CADPS: variants seen among roughly 807,000 people sequenced by gnomAD.
CADPS encodes calcium-dependent secretion activator 1.
In CADPS, 57 loss-of-function variants were observed where a neutral mutation model predicts 167.3. The observed-to-expected ratio is 0.34, with a 90% CI of 0.28 to 0.42. CADPS has a LOEUF of 0.42. Among genes scored for constraint, CADPS ranks in the 20% least tolerant of loss-of-function variants. The pLI, the probability that CADPS is intolerant of heterozygous loss-of-function variation, is 1.00. For synonymous variants in CADPS, 676 were observed against 635.3 expected (o/e 1.06, Z -0.96); for missense variants, 1,414 against 1,738.1 (o/e 0.81, Z 3.32).
intron 1 of CADPS, among the ~76,000 whole-genome samples, chr3:62,819,407 CGTGTGTGTGTGTGTGTGTGT>C (rs3047244): frequency 8.3e-5 from 12 of 143,986 alleles, no homozygotes; most frequent in Non-Finnish European, 1.4e-4. Flanking sequence ...AATCTGTGTG[CGTGTGTGTGTGTGTGTGTGT>C]GTGTGTGTGT....
At chr3:62,708,251 G>GA (rs113632075) in intron 3 of CADPS, among the ~76,000 whole-genome samples, 52 of 150,282 alleles carry the variant, frequency 3.5e-4, no homozygotes, top group South Asian at 2.3e-3. Context: ...AAAGTGGAGA[G>GA]AAAAAAAAGC....
intron 28 of CADPS, among the ~76,000 whole-genome samples, chr3:62,434,113 A>T (rs2054512505): frequency 6.6e-6 from 1 of 152,250 alleles, no homozygotes; most frequent in Non-Finnish European, 1.5e-5. Flanking sequence ...TCTTTTAAAA[A>T]TTCAGCATCT....
chr3:62,759,813 A>T (rs553271004), intron 2 of CADPS, among the ~76,000 whole-genome samples: 5 of 152,228 alleles, frequency 3.3e-5, no homozygotes, highest in African/African-American at 1.2e-4. Context: ...TTATTTTTAT[A>T]GTGGGCATGT....
intron 26 of CADPS, among the ~76,000 whole-genome samples, chr3:62,451,383 A>T (rs1172282016): frequency 4.6e-5 from 7 of 152,030 alleles, no homozygotes; most frequent in Admixed American, 4.6e-4. Flanking sequence ...GCAGGGGCTT[A>T]AACCACTTCT....
At chr3:62,733,221 G>A (rs2078277415) in intron 3 of CADPS, among the ~76,000 whole-genome samples, 1 of 152,170 alleles carries the variant, frequency 6.6e-6, no homozygotes, top group South Asian at 2.1e-4. Context: ...AAATATGCTG[G>A]TGTCGGAGAG....
intron 7 of CADPS, among the ~76,000 whole-genome samples, chr3:62,586,438 G>T (rs533077768): frequency 5.5e-4 from 83 of 152,030 alleles, no homozygotes; most frequent in Non-Finnish European, 1.0e-3. Flanking sequence ...ATGCTTGAAG[G>T]GCAGACACAT....
intron 10 of CADPS, among the ~76,000 whole-genome samples, chr3:62,550,639 G>C (rs766677218): frequency 6.6e-6 from 1 of 152,136 alleles, no homozygotes; most frequent in African/African-American, 2.4e-5. Flanking sequence ...GCTCCCAGAT[G>C]ATTCAGATGG....
At chr3:62,719,033 T>G (rs2075232252) in intron 3 of CADPS, among the ~76,000 whole-genome samples, 1 of 152,218 alleles carries the variant, frequency 6.6e-6, no homozygotes. Flanking sequence ...GGGACTCCTT[T>G]GTGCATTCAG....
rs550334003 is a variant in CADPS, at chr3:62,398,661, A to G, written c.*745T>C. 1.3e-5 allele frequency: 2 copies of G among 152,738 alleles called. No individual in the cohort carries two copies. Among genetic ancestry groups the G allele is most frequent in the African/African-American group, 2.4e-5 (1 of 41,580 alleles). 9.5% of individuals were successfully genotyped at this position (152,738 alleles called of 1,614,324 possible). A position where few individuals can be genotyped will look rare whatever the true frequency, so the allele number is the denominator to read the frequency against. Reference sequence around the variant, plus strand: ...TTCATTTTTTTTACATACACAGTTGAGACGTAAAAGCAAAATAACATTTAA... The same window carrying G: ...TTCATTTTTTTTACATACACAGTTGGGACGTAAAAGCAAAATAACATTTAA... On this transcript the variant is annotated 3_prime_UTR_variant, in exon 30 of 30. Coordinates refer to ENST00000383710, the MANE Select transcript of CADPS (RefSeq NM_003716.4).
intron 1 of CADPS, among the ~76,000 whole-genome samples, chr3:62,846,920 G>A (rs1453043404): frequency 9.9e-5 from 15 of 152,096 alleles, no homozygotes; most frequent in Admixed American, 5.9e-4. Context: ...CACCTGCCTC[G>A]GCCTCCCAAA....
Position 62,446,477 on chromosome 3 carries a change from T to C in CADPS, c.3637-680A>G, listed in dbSNP as rs1266749866. Reference sequence around the variant, plus strand: ...CATGAAGTTTGGAGTCAGATCTCAGTTCGAATCCCAACTCTACCACTTACA... The same window carrying C: ...CATGAAGTTTGGAGTCAGATCTCAGCTCGAATCCCAACTCTACCACTTACA... On this transcript the variant is annotated intron_variant, in intron 26 of 29. Coordinates refer to ENST00000383710, the MANE Select transcript of CADPS (RefSeq NM_003716.4). This position sits in a 1 kb window ranked among gnomAD's most constrained non-coding sequence, Gnocchi z 4.9. Among the ~76,000 whole-genome samples the C allele has an allele frequency of 6.6e-6, 1 of 152,144 alleles. No individual in the cohort carries two copies. The highest frequency in any genetic ancestry group is 1.9e-4 in the East Asian group (1 of 5,178).
At chr3:62,713,148 A>C (rs963233065) in intron 3 of CADPS, among the ~76,000 whole-genome samples, 15 of 152,236 alleles carry the variant, frequency 9.9e-5, no homozygotes, top group African/African-American at 3.4e-4. Context: ...ATTATGTATT[A>C]ACTTCTTTAA....
Position 62,651,173 on chromosome 3 carries a change from C to T in CADPS, c.970-93G>A, listed in dbSNP as rs1402385060. 1.5e-5 allele frequency: 12 copies of T among 820,790 alleles called. No homozygotes were observed. The East Asian group carries it at 2.0e-4, about 14-fold the overall frequency. 50.8% of individuals were successfully genotyped at this position (820,790 alleles called of 1,614,324 possible). A position where few individuals can be genotyped will look rare whatever the true frequency, so the allele number is the denominator to read the frequency against. On this transcript the variant is annotated intron_variant, in intron 4 of 29. Coordinates refer to ENST00000383710, the MANE Select transcript of CADPS (RefSeq NM_003716.4). ...GTCCCATGGCCCAGAGTTAGAATCA[C>T]ATCTACTACTAGTGAAATTCACCCA...
intron 6 of CADPS, among the ~76,000 whole-genome samples, chr3:62,636,882 G>T (rs972687110): frequency 1.3e-5 from 2 of 152,082 alleles, no homozygotes; most frequent in African/African-American, 4.8e-5. Context: ...TATGTCCTCT[G>T]GCTCTGGAAA....
chr3:62,662,994 G>C (rs1236877991), intron 3 of CADPS, among the ~76,000 whole-genome samples: 4 of 152,172 alleles, frequency 2.6e-5, no homozygotes, highest in African/African-American at 2.4e-5. Context: ...AAAGATCAGA[G>C]CACCCAGGCA....
rs1278285144 is a variant in CADPS, at chr3:62,851,491, C to A, written c.441+23098G>T. On this transcript the variant is annotated intron_variant, in intron 1 of 29. Coordinates refer to ENST00000383710, the MANE Select transcript of CADPS (RefSeq NM_003716.4). The stretch of plus-strand genomic sequence containing the variant: ...CCTTGTGGTGACAAAATCTCTCAGC[C>A]TTTGCTTGTCTGTAAAGTATTTTAT... 1.0e-3 allele frequency among the ~76,000 whole-genome samples: 147 copies of A among 146,622 alleles called. 1 individual carries two copies. The highest frequency in any genetic ancestry group is 2.3e-3 in the South Asian group (10 of 4,346).
In CADPS at chr3:62,544,805, AATCT is replaced by A; in HGVS notation, c.1966+5094_1966+5097del. On this transcript the variant is annotated intron_variant, in intron 11 of 29. Coordinates refer to ENST00000383710, the MANE Select transcript of CADPS (RefSeq NM_003716.4). This position sits in a 1 kb window ranked among gnomAD's most constrained non-coding sequence, Gnocchi z 4.4. ...GCACATTGCAGGTGTCAGATAATCT[AATCT>A]GATTATCTGAGCTGTGCTAGCTATA... The A allele has an allele frequency of 3.7e-6, 4 of 1,071,890 alleles. No homozygotes were observed. Among genetic ancestry groups the A allele is most frequent in the African/African-American group, 1.7e-5 (1 of 59,098 alleles). 66.4% of individuals were successfully genotyped at this position (1,071,890 alleles called of 1,614,324 possible).
At chr3:62,719,140 T>C (rs1481588947) in intron 3 of CADPS, among the ~76,000 whole-genome samples, 1 of 152,186 alleles carries the variant, frequency 6.6e-6, no homozygotes, top group African/African-American at 2.4e-5. Context: ...ACTCAGATCC[T>C]GAAGAGACCT....
intron 1 of CADPS, among the ~76,000 whole-genome samples, chr3:62,770,791 A>T (rs968507711): frequency 2.6e-5 from 4 of 152,152 alleles, no homozygotes; most frequent in Admixed American, 1.3e-4. Context: ...GATAAACAAC[A>T]TTACCCAGAC....
Sources: gnomAD v4.1 joint callset for allele counts (sites outside exome capture counted in the v4.1 genomes callset) on GRCh38, gnomAD v4.1.1 for gene constraint, Gnocchi (gnomAD v3.1) non-coding constraint, MANE v1.5 for transcripts, NCBI Gene and HGNC (gene_info 2026-07-23, HGNC 2026-07-21) for gene names.